CPNE8: variants seen among roughly 807,000 people sequenced by gnomAD.
The protein encoded by CPNE8 is copine-8.
CPNE8 carries 45 observed loss-of-function variants against 81.5 expected under a neutral mutation model. That is an observed-to-expected ratio of 0.55 (90% CI 0.44 to 0.71). The LOEUF is 0.71. CPNE8 is among the 30% of genes least tolerant of loss of function. The probability of loss-of-function intolerance (pLI) is 0.00; values close to 1 mark genes in which losing one functional copy is unlikely to be tolerated. For synonymous variants in CPNE8, 252 were observed against 226.3 expected, an observed-to-expected ratio of 1.11 and a Z score of -1.02; for missense variants, 594 against 672.1, an observed-to-expected ratio of 0.88 and a Z score of 1.28.
chr12:38,818,329 C>T (rs1430882026), intron 6 of CPNE8, among the ~76,000 whole-genome samples: 1 of 152,084 alleles, frequency 6.6e-6, no homozygotes, highest in African/African-American at 2.4e-5. Flanking sequence ...TGTTCCCCTC[C>T]CTGTGTCCAC....
At chr12:38,678,143 T>C (rs953530076) in intron 16 of CPNE8, among the ~76,000 whole-genome samples, 4 of 152,090 alleles carry the variant, frequency 2.6e-5, no homozygotes, top group Admixed American at 2.6e-4. Context: ...TGGTGAATTT[T>C]ATTATGAAAA....
chr12:38,894,446 G>C (rs948037835), intron 1 of CPNE8, among the ~76,000 whole-genome samples: 1 of 151,972 alleles, frequency 6.6e-6, no homozygotes, highest in African/African-American at 2.4e-5. Flanking sequence ...AGAGGCTTTG[G>C]ATGAAACCAC....
chr12:38,900,704 C>T (rs1944448587), intron 1 of CPNE8, among the ~76,000 whole-genome samples: 1 of 151,932 alleles, frequency 6.6e-6, no homozygotes, highest in South Asian at 2.1e-4. Context: ...TGGGACTGTA[C>T]CTTTTATAAG....
At chr12:38,666,342 A>G (rs1360376626) in intron 19 of CPNE8, among the ~76,000 whole-genome samples, 1 of 152,210 alleles carries the variant, frequency 6.6e-6, no homozygotes, top group Non-Finnish European at 1.5e-5. Context: ...CCAACTTATG[A>G]CCTAAATAAC....
chr12:38,871,599 G>C (rs1354350281), intron 3 of CPNE8, among the ~76,000 whole-genome samples: 2 of 152,174 alleles, frequency 1.3e-5, no homozygotes, highest in Non-Finnish European at 2.9e-5. Context: ...AAGAGAAAAT[G>C]GGTCTGAATA....
At chr12:38,699,141 G>A (rs546644208) in intron 14 of CPNE8, among the ~76,000 whole-genome samples, 1 of 152,188 alleles carries the variant, frequency 6.6e-6, no homozygotes, top group South Asian at 2.1e-4. Context: ...TTTCAACAAT[G>A]TTTTCTTCAA....
At chr12:38,787,125 A>C (rs183719132) in intron 6 of CPNE8, among the ~76,000 whole-genome samples, 1 of 152,222 alleles carries the variant, frequency 6.6e-6, no homozygotes, top group Admixed American at 6.5e-5. Context: ...CATATAGAGA[A>C]CCTTTTCATC....
intron 10 of CPNE8, among the ~76,000 whole-genome samples, chr12:38,735,277 GAAA>G (rs1940927105): frequency 6.6e-6 from 1 of 151,992 alleles, no homozygotes. Context: ...CCCTTGGACT[GAAA>G]TGTAGTTATG....
intron 6 of CPNE8, among the ~76,000 whole-genome samples, chr12:38,785,793 C>CT (rs1463659731): frequency 6.6e-6 from 1 of 152,084 alleles, no homozygotes; most frequent in Non-Finnish European, 1.5e-5. Flanking sequence ...TAAGAGTTGT[C>CT]TTTTTGCTTA....
chr12:38,699,095 T>C (rs1489679885), intron 14 of CPNE8, among the ~76,000 whole-genome samples: 2 of 152,230 alleles, frequency 1.3e-5, no homozygotes, highest in African/African-American at 2.4e-5. Flanking sequence ...TCCAAAAGCA[T>C]GGCTGGTTTC....
At chr12:38,896,741 G>GT (rs1451628882) in intron 1 of CPNE8, among the ~76,000 whole-genome samples, 4 of 152,030 alleles carry the variant, frequency 2.6e-5, no homozygotes, top group African/African-American at 9.7e-5. Context: ...TCTAACGACT[G>GT]TTTTATTCCA....
chr12:38,899,527 C>T (rs1014914952), intron 1 of CPNE8, among the ~76,000 whole-genome samples: 1 of 152,144 alleles, frequency 6.6e-6, no homozygotes, highest in Non-Finnish European at 1.5e-5. Context: ...CTGAACCAGA[C>T]AAACAACAAT....
At position 38,873,033 on chromosome 12, in the gene CPNE8, G is replaced by T. The variant is rs1254461437; in HGVS notation, c.157C>A (p.Gln53Lys). 6.4e-7 allele frequency: 1 copy of T among 1,552,658 alleles called. No homozygotes were observed. Among genetic ancestry groups the T allele is most frequent in the Non-Finnish European group, 8.8e-7 (1 of 1,130,474 alleles). Residue 53 changes from glutamine to lysine, a missense_variant, in exon 3 of 20, where the codon CAA (glutamine) becomes AAA (lysine). Transcript: ENST00000331366. ...CTCCATTCTTTATTTCCAACTCCTT[G>T]TACATATAAGACACAAACTACAAAA... is the stretch of plus-strand genomic sequence containing the variant. ...KSDPICVLYV[Q>K]GVGNKEWREF...
intron 3 of CPNE8, among the ~76,000 whole-genome samples, chr12:38,861,794 C>A (rs540023825): frequency 6.6e-6 from 1 of 152,132 alleles, no homozygotes; most frequent in South Asian, 2.1e-4. Context: ...ATGAACTTTT[C>A]TAAGGAATCT....
At chr12:38,787,647 C>A (rs1350706298) in intron 6 of CPNE8, among the ~76,000 whole-genome samples, 1 of 151,390 alleles carries the variant, frequency 6.6e-6, no homozygotes, top group Non-Finnish European at 1.5e-5. Context: ...TACAAAAGCT[C>A]AATGAAACAA....
intron 19 of CPNE8, among the ~76,000 whole-genome samples, chr12:38,667,850 T>A (rs1247185625): frequency 1.3e-5 from 2 of 151,712 alleles, no homozygotes; most frequent in Middle Eastern, 3.2e-3. Context: ...CAGGCTGGAG[T>A]GCAATGGTAT....
intron 6 of CPNE8, among the ~76,000 whole-genome samples, chr12:38,827,605 G>A (rs1943219039): frequency 6.6e-6 from 1 of 152,124 alleles, no homozygotes; most frequent in African/African-American, 2.4e-5. Context: ...TAAATAAAAT[G>A]TGGTAAATAT....
At chr12:38,668,079 A>C (rs1939098813) in intron 19 of CPNE8, among the ~76,000 whole-genome samples, 1 of 152,206 alleles carries the variant, frequency 6.6e-6, no homozygotes, top group Admixed American at 6.5e-5. Flanking sequence ...GATTACAGGC[A>C]TGAGCCACTG....
Position 38,872,985 on chromosome 12 carries a change from A to T in CPNE8, c.186+19T>A, listed in dbSNP as rs545153254. On this transcript the variant is annotated intron_variant, in intron 3 of 19. Coordinates refer to ENST00000331366, the MANE Select transcript of CPNE8 (RefSeq NM_153634.3). ...TATCTTCAAGCCCAGTGATTTTTTT[A>T]AAAAAGTTTTAAACTTACCTCTCTC... 4.0e-5 allele frequency: 57 copies of T among 1,412,866 alleles called. No individual in the cohort carries two copies. In the East Asian group the frequency reaches 4.8e-4, roughly 12 times the overall value. 87.5% of individuals were successfully genotyped at this position (1,412,866 alleles called of 1,614,324 possible). A position where few individuals can be genotyped will look rare whatever the true frequency, so the allele number is the denominator to read the frequency against.
Sources: allele counts gnomAD v4.1 joint callset (sites outside exome capture counted in the v4.1 genomes callset), GRCh38; gene constraint gnomAD v4.1.1; transcripts MANE v1.5; gene names NCBI Gene and HGNC (gene_info 2026-07-23, HGNC 2026-07-21).